The following NOS1AP variants were observed in gnomAD, a reference collection of about 807,000 sequenced individuals.
NOS1AP encodes the protein carboxyl-terminal PDZ ligand of neuronal nitric oxide synthase protein.
A neutral mutation model predicts 56.2 loss-of-function variants in NOS1AP; 21 were observed. The ratio of observed to expected loss-of-function variants is 0.37; its 90% CI spans 0.26 to 0.54. The LOEUF (loss-of-function observed/expected upper bound fraction) is 0.54, where lower values mean the gene tolerates loss of function less well. Ranked by LOEUF, NOS1AP falls within the 20% of genes least tolerant of loss-of-function variation. The pLI is 0.84. For missense variants in NOS1AP, 522 were observed against 657.8 expected (o/e 0.79, Z 2.26); for synonymous variants, 270 against 274.6 (o/e 0.98, Z 0.17).
At chr1:162,247,852 A>C (rs1446238399) in intron 2 of NOS1AP, among the ~76,000 whole-genome samples, 1 of 152,216 alleles carries the variant, frequency 6.6e-6, no homozygotes, top group Admixed American at 6.5e-5. Flanking sequence ...GATGGCCTTC[A>C]TGAGAAAGAA....
intron 1 of NOS1AP, among the ~76,000 whole-genome samples, chr1:162,089,428 C>T (rs568898808): frequency 5.4e-4 from 82 of 152,160 alleles, no homozygotes; most frequent in Non-Finnish European, 9.4e-4. Context: ...CAGTCCAAAA[C>T]CTTTTAAAAA....
At chr1:162,278,330 G>A (rs548963091) in intron 2 of NOS1AP, among the ~76,000 whole-genome samples, 1 of 152,310 alleles carries the variant, frequency 6.6e-6, no homozygotes, top group South Asian at 2.1e-4. Context: ...TGTAGGGTAG[G>A]TGGCTTGCTC....
At chr1:162,163,862 C>G (rs1220148942) in intron 2 of NOS1AP, among the ~76,000 whole-genome samples, 5 of 152,142 alleles carry the variant, frequency 3.3e-5, no homozygotes, top group South Asian at 4.1e-4. Context: ...ATACATTTAT[C>G]TTTTCCTGAA....
chr1:162,174,489 A>G (rs1449756035), intron 2 of NOS1AP, among the ~76,000 whole-genome samples: 2 of 152,104 alleles, frequency 1.3e-5, no homozygotes, highest in South Asian at 2.1e-4. Context: ...CAGCACACCA[A>G]CATGGCACAT....
At chr1:162,231,436 C>G (rs1003623702) in intron 2 of NOS1AP, among the ~76,000 whole-genome samples, 5 of 152,092 alleles carry the variant, frequency 3.3e-5, no homozygotes, top group Non-Finnish European at 7.4e-5. Context: ...AGTGTGATGT[C>G]TTTTTACTCT....
rs891213332 is a variant in NOS1AP at position 162,202,508 on chromosome 1, G to T, written c.177+48032G>T. Among the ~76,000 whole-genome samples, 53 of 151,946 alleles carry T rather than the reference G, an allele frequency of 3.5e-4. 2 individuals are homozygous for T. The highest frequency in any genetic ancestry group is 2.2e-3 in the Admixed American group (34 of 15,260). On this transcript the variant is annotated intron_variant, in intron 2 of 9. Coordinates refer to ENST00000361897, the MANE Select transcript of NOS1AP (RefSeq NM_014697.3). ...TTTGTAGTAAACATACATTTTAATG[G>T]TTTCATAATATTCTATGCTAAAAAT...
intron 1 of NOS1AP, among the ~76,000 whole-genome samples, chr1:162,145,735 A>G (rs1454421937): frequency 6.6e-6 from 1 of 152,136 alleles, no homozygotes; most frequent in Non-Finnish European, 1.5e-5. Flanking sequence ...ACTAACTCAG[A>G]TGGGCAATCT....
At chr1:162,226,287 G>C (rs1365738496) in intron 2 of NOS1AP, among the ~76,000 whole-genome samples, 3 of 152,096 alleles carry the variant, frequency 2.0e-5, no homozygotes, top group Non-Finnish European at 4.4e-5. Context: ...GAAAAGAAAA[G>C]AAAAGAAAAG....
chr1:162,352,699 G>C (rs1013033472), intron 6 of NOS1AP, among the ~76,000 whole-genome samples: 1 of 152,048 alleles, frequency 6.6e-6, no homozygotes, highest in African/African-American at 2.4e-5. Context: ...GAAAGAGAGG[G>C]ATCTCCTACA....
chr1:162,184,528 C>T (rs1247562882), intron 2 of NOS1AP, among the ~76,000 whole-genome samples: 2 of 152,124 alleles, frequency 1.3e-5, no homozygotes, highest in South Asian at 2.1e-4. Context: ...ACAACGTGTG[C>T]CTGGCCTGTA....
chr1:162,123,568 A>G (rs1648340468), intron 1 of NOS1AP, among the ~76,000 whole-genome samples: 4 of 152,234 alleles, frequency 2.6e-5, no homozygotes, highest in Admixed American at 2.6e-4. Flanking sequence ...TCTTTTGCAT[A>G]TGTAAAAATA....
chr1:162,126,236 A>T (rs1648482143), intron 1 of NOS1AP, among the ~76,000 whole-genome samples: 2 of 152,072 alleles, frequency 1.3e-5, no homozygotes, highest in Non-Finnish European at 2.9e-5. Context: ...AATGTAGTTT[A>T]ACTTCTTCTT....
chr1:162,369,601 A>G lies in NOS1AP; in HGVS notation c.*2134A>G, dbSNP rs1647313827. ...GGCCGCTTCTAAATGGCCTGTAAAA[A>G]CTTGAGATTGGATAGACGAAAGGAA... On this transcript the variant is annotated 3_prime_UTR_variant, in exon 10 of 10. Transcript: ENST00000361897. 1 of 152,326 alleles carries G rather than the reference A, an allele frequency of 6.6e-6. No individual in the cohort carries two copies. Among genetic ancestry groups the G allele is most frequent in the South Asian group, 2.1e-4 (1 of 4,818 alleles). 9.4% of individuals were successfully genotyped at this position (152,326 alleles called of 1,614,324 possible). A position where few individuals can be genotyped will look rare whatever the true frequency, so the allele number is the denominator to read the frequency against.
chr1:162,245,651 A>G (rs1357101326), intron 2 of NOS1AP, among the ~76,000 whole-genome samples: 1 of 152,246 alleles, frequency 6.6e-6, no homozygotes, highest in Non-Finnish European at 1.5e-5. Flanking sequence ...GTCCATCAGC[A>G]ATTGCTTTTT....
intron 2 of NOS1AP, among the ~76,000 whole-genome samples, chr1:162,285,570 T>C (rs1210567607): frequency 6.6e-6 from 1 of 151,652 alleles, no homozygotes; most frequent in Non-Finnish European, 1.5e-5. Flanking sequence ...GTTATATGGC[T>C]GAGGTCCTGT....
At chr1:162,299,148 A>G (rs1406572641) in intron 3 of NOS1AP, among the ~76,000 whole-genome samples, 1 of 152,232 alleles carries the variant, frequency 6.6e-6, no homozygotes, top group Non-Finnish European at 1.5e-5. Flanking sequence ...AACTCTGAAG[A>G]ATTTCAGTGC....
intron 2 of NOS1AP, among the ~76,000 whole-genome samples, chr1:162,253,797 C>T (rs1041914929): frequency 6.6e-6 from 1 of 152,046 alleles, no homozygotes; most frequent in South Asian, 2.1e-4. Flanking sequence ...TATTTCAAGC[C>T]ACTTTTTTTC....
rs757539904 is a variant in NOS1AP at position 162,355,187 on chromosome 1, G to C, written c.596G>C (p.Gly199Ala). The C allele has an allele frequency of 1.9e-6, 3 of 1,614,084 alleles. No individual in the cohort carries two copies. The highest frequency in any genetic ancestry group is 2.5e-6 in the Non-Finnish European group (3 of 1,180,036). The change falls in exon 7 of 10, where the codon GGC (glycine) becomes GCC (alanine). Residue 199 changes from glycine (G) to alanine (A), a missense_variant and splice_region_variant. Around this residue, in one of 4 missense-constraint regions of NOS1AP, gnomAD observed 178 missense variants for 165.0 expected, o/e 1.08. Coordinates refer to ENST00000361897, the MANE Select transcript of NOS1AP (RefSeq NM_014697.3). ...ERNSNSSGDP[G>A]RQLTGAERAS... ...CCTCCCTCCCCTGTTGTTCCTGCAG[G>C]CCGCCAGCTCACTGGAGCCGAGAGG...
chr1:162,135,979 T>G (rs1293448911), intron 1 of NOS1AP, among the ~76,000 whole-genome samples: 1 of 152,248 alleles, frequency 6.6e-6, no homozygotes, highest in Non-Finnish European at 1.5e-5. Flanking sequence ...ATGATTTAGG[T>G]GTATAATACA....
Sources: allele counts gnomAD v4.1 joint callset (sites outside exome capture counted in the v4.1 genomes callset), GRCh38; gene constraint gnomAD v4.1.1; regional missense constraint gnomAD v4.1.1; transcripts MANE v1.5; gene names NCBI Gene and HGNC (gene_info 2026-07-23, HGNC 2026-07-21).